The following ANKRD26 variants were observed in gnomAD, a reference collection of about 807,000 sequenced individuals.
ANKRD26 encodes ankyrin repeat domain-containing protein 26.
Under a neutral mutation model 208.7 loss-of-function variants are expected in ANKRD26, and 141 were observed. The observed-to-expected ratio is 0.68, with a 90% CI of 0.59 to 0.78. The LOEUF is 0.78. Ranked by LOEUF, ANKRD26 falls within the 30% of genes least tolerant of loss-of-function variation. The pLI is 0.00. For synonymous variants in ANKRD26, 636 were observed against 660.4 expected (o/e 0.96, Z 0.57); for missense variants, 1,889 against 1,938.7 (o/e 0.97, Z 0.48).
rs987265996 is a variant in ANKRD26, at chr10:27,091,455, A to T, written c.638+951T>A. ...GCCCATACCAATTAAAAATAAAAAC[A>T]TCAAAATATACTAGAAATAGAAAAG... On this transcript the variant is annotated intron_variant, in intron 4 of 33. Transcript: ENST00000376087. 2.6e-5 allele frequency among the ~76,000 whole-genome samples: 4 copies of T among 152,286 alleles called. No homozygotes were observed. In the East Asian group the frequency reaches 7.7e-4, roughly 29 times the overall value.
At chr10:26,983,719 TG>T (rs1229223967) in intron 3 of ANKRD26, among the ~76,000 whole-genome samples, 2 of 152,132 alleles carry the variant, frequency 1.3e-5, no homozygotes, top group Non-Finnish European at 2.9e-5. Flanking sequence ...TTTCACTGGA[TG>T]GGGGGATACT....
chr10:27,020,203 C>CT (rs2053439731), intron 29 of ANKRD26, among the ~76,000 whole-genome samples: 1 of 152,080 alleles, frequency 6.6e-6, no homozygotes, highest in South Asian at 2.1e-4. Flanking sequence ...ATATTTATGG[C>CT]TAGAGAGATA....
At chr10:26,982,302 T>C (rs1344236703) in intron 4 of ANKRD26, among the ~76,000 whole-genome samples, 1 of 152,144 alleles carries the variant, frequency 6.6e-6, no homozygotes, top group Non-Finnish European at 1.5e-5. Context: ...TTTGCAGCCA[T>C]CTTATTTACA....
intron 1 of ANKRD26, among the ~76,000 whole-genome samples, chr10:27,097,636 C>G (rs2056511245): frequency 6.7e-6 from 1 of 148,912 alleles, no homozygotes; most frequent in South Asian, 2.2e-4. Flanking sequence ...TAATATTTAT[C>G]TTTTTTTTGT....
At chr10:27,046,569 A>G (rs568735104) in intron 17 of ANKRD26, 46 bp from the exon 18 acceptor site, 1 of 1,576,414 alleles carries the variant, frequency 6.3e-7, no homozygotes, top group Admixed American at 1.7e-5. Context: ...GAAAAAAGAA[A>G]AAAAGAAACA....
chr10:27,005,512 TA>T lies in ANKRD26; in HGVS notation c.*77del. 1 of 1,556,904 alleles carries T rather than the reference TA, an allele frequency of 6.4e-7. No homozygotes were observed. On this transcript the variant is annotated 3_prime_UTR_variant, in exon 34 of 34. Coordinates refer to ENST00000376087, the MANE Select transcript of ANKRD26 (RefSeq NM_014915.3). ...ATGATACAAAAATACGTTCCTTTAA[TA>T]TTTTTACATGTCATATATTAATATT... is the stretch of plus-strand genomic sequence containing the variant.
intron 5 of ANKRD26, among the ~76,000 whole-genome samples, chr10:27,083,427 T>TA (rs1464477012): frequency 6.6e-6 from 1 of 151,972 alleles, no homozygotes; most frequent in East Asian, 1.9e-4. Flanking sequence ...ACCAACATTT[T>TA]AAAATAAATA....
At chr10:26,954,832 A>G in the ANKRD26 span, among the ~76,000 whole-genome samples, 4 of 151,778 alleles carry the variant, frequency 2.6e-5, no homozygotes, top group Non-Finnish European at 5.9e-5. Flanking sequence ...AATATGGTAC[A>G]TGTGTTTTAG....
At chr10:27,045,747 TTTA>T (rs1419492329) in intron 18 of ANKRD26, among the ~76,000 whole-genome samples, 8 of 152,184 alleles carry the variant, frequency 5.3e-5, no homozygotes, top group East Asian at 1.9e-4. Flanking sequence ...TGTTTGCATG[TTTA>T]TTATTAGATA....
At chr10:27,085,166 T>A (rs1314195045) in intron 5 of ANKRD26, among the ~76,000 whole-genome samples, 1 of 151,600 alleles carries the variant, frequency 6.6e-6, no homozygotes. Context: ...AGTGACACAA[T>A]CTCGGCTCAC....
At chr10:27,014,781 G>T in intron 30 of ANKRD26, 70 bp from the exon 31 acceptor site, 2 of 1,255,472 alleles carry the variant, frequency 1.6e-6, no homozygotes, top group Non-Finnish European at 2.3e-6. Flanking sequence ...CCTACTCGGT[G>T]TCTAAGGGCT....
chr10:26,964,141 T>G, the ANKRD26 span, among the ~76,000 whole-genome samples: 1 of 151,936 alleles, frequency 6.6e-6, no homozygotes, highest in Non-Finnish European at 1.5e-5. Flanking sequence ...ACTCCTAACA[T>G]CAAATGGTCC....
downstream of ANKRD26, among the ~76,000 whole-genome samples, chr10:26,989,094 T>A (rs899708021): frequency 1.2e-4 from 18 of 151,924 alleles, no homozygotes; most frequent in African/African-American, 3.4e-4. Context: ...GGCAAGATAT[T>A]TTTTTTTCTG....
At chr10:27,072,063 C>T (rs1289864774) in intron 9 of ANKRD26, among the ~76,000 whole-genome samples, 1 of 152,200 alleles carries the variant, frequency 6.6e-6, no homozygotes, top group Admixed American at 6.5e-5. Flanking sequence ...CGGCCAGAAC[C>T]ACAGGGTGAA....
At chr10:27,044,048 C>G (rs2054356239) in intron 19 of ANKRD26, 109 bp downstream of exon 19, 4 of 816,786 alleles carry the variant, frequency 4.9e-6, no homozygotes, top group Non-Finnish European at 7.0e-6. Flanking sequence ...CCCGCTTTAG[C>G]CTTCCAAAGT....
chr10:27,089,248 C>T (rs2056218103), intron 4 of ANKRD26, among the ~76,000 whole-genome samples: 1 of 152,212 alleles, frequency 6.6e-6, no homozygotes, highest in Non-Finnish European at 1.5e-5. Context: ...TAAAAGAGGA[C>T]TGTCTTCCTT....
Position 27,100,046 on chromosome 10 carries a change from C to T in ANKRD26, c.242+39G>A, listed in dbSNP as rs546401328. 34 of 1,612,254 alleles carry T rather than the reference C, an allele frequency of 2.1e-5. No homozygotes were observed. In the South Asian group the frequency reaches 3.4e-4, roughly 16 times the overall value. On this transcript the variant is annotated intron_variant, in intron 1 of 33. Coordinates refer to ENST00000376087, the MANE Select transcript of ANKRD26 (RefSeq NM_014915.3). Reference sequence around the variant, plus strand: ...AGGGGCCCCTCTTCCTGCCCGCCTACTCCAGTGGCACTCAGTCCGGGCTTG... The same window carrying T: ...AGGGGCCCCTCTTCCTGCCCGCCTATTCCAGTGGCACTCAGTCCGGGCTTG...
intron 4 of ANKRD26, among the ~76,000 whole-genome samples, chr10:26,998,897 G>A (rs1366411176): frequency 6.6e-6 from 1 of 152,142 alleles, no homozygotes; most frequent in Non-Finnish European, 1.5e-5. Flanking sequence ...GCACGCAGGA[G>A]GAGGGAACAG....
the ANKRD26 span, among the ~76,000 whole-genome samples, chr10:26,966,086 G>A: frequency 6.6e-6 from 1 of 152,144 alleles, no homozygotes; most frequent in Non-Finnish European, 1.5e-5. Flanking sequence ...ATTCCTCAAG[G>A]ACATAGAACC....
Sources: gnomAD v4.1 joint callset for allele counts (sites outside exome capture counted in the v4.1 genomes callset) on GRCh38, gnomAD v4.1.1 for gene constraint, MANE v1.5 for transcripts, NCBI Gene and HGNC (gene_info 2026-07-23, HGNC 2026-07-21) for gene names.